The following OVCH1 variants were observed in gnomAD, a reference collection of about 807,000 sequenced individuals.
The protein encoded by OVCH1 is ovochymase-1.
Under a neutral mutation model 138.4 loss-of-function variants are expected in OVCH1, and 139 were observed. The ratio of observed to expected loss-of-function variants is 1.00; its 90% CI spans 0.87 to 1.16. OVCH1 has a LOEUF of 1.16. Ranked by LOEUF, OVCH1 falls within the 50% of genes most tolerant of loss-of-function variation. OVCH1 has a pLI of 0.00. For synonymous variants in OVCH1, 453 were observed against 467.8 expected (o/e 0.97, Z 0.41); for missense variants, 1,367 against 1,357.9 (o/e 1.01, Z -0.11).
rs550302390 is a variant in OVCH1 at position 29,435,225 on chromosome 12, G to A, written c.3265-1412C>T. On this transcript the variant is annotated intron_variant, in intron 26 of 27. Coordinates refer to ENST00000318184, the Ensembl canonical transcript of OVCH1. Reference sequence around the variant, plus strand: ...TTCTTAGAACAGCCAGACCCGTGGCGTGAGCCTGTAGTCCCAGCTACTGGG... The same window carrying A: ...TTCTTAGAACAGCCAGACCCGTGGCATGAGCCTGTAGTCCCAGCTACTGGG... Among the ~76,000 whole-genome samples the A allele has an allele frequency of 5.9e-4, 90 of 152,226 alleles. 2 individuals are homozygous for A. In the South Asian group the frequency reaches 0.017, roughly 29 times the overall value.
intron 12 of OVCH1, 39 bp downstream of exon 12, chr12:29,477,063 C>G (rs1196270610): frequency 6.5e-7 from 1 of 1,529,798 alleles, no homozygotes; most frequent in Admixed American, 2.1e-5. Flanking sequence ...TAACGTAACT[C>G]TATTCTTTAT....
intron 26 of OVCH1, chr12:29,439,216 C>T: frequency 2.9e-6 from 3 of 1,044,768 alleles, no homozygotes; most frequent in Non-Finnish European, 1.2e-6. Context: ...AGTCCTTTGC[C>T]TTTAGAAGCT....
At chr12:29,433,433 A>C (rs1014570566) in intron 27 of OVCH1, among the ~76,000 whole-genome samples, 1 of 152,172 alleles carries the variant, frequency 6.6e-6, no homozygotes, top group Admixed American at 6.5e-5. Context: ...AGGCCTCTCA[A>C]GCTGTGTGGA....
At position 29,495,938 on chromosome 12, in the gene OVCH1, C is replaced by T. The variant is rs182550845; in HGVS notation, c.281+243G>A. Among the ~76,000 whole-genome samples the T allele has an allele frequency of 1.5e-4, 23 of 152,288 alleles. 1 individual carries two copies. In the South Asian group the frequency reaches 3.5e-3, roughly 23 times the overall value. ...TTACAGTAAGTAACCACCACCTCTACCCAAGCACTAAATCCATAAATTATA... is the reference window on the plus strand; with the variant it reads ...TTACAGTAAGTAACCACCACCTCTATCCAAGCACTAAATCCATAAATTATA... On this transcript the variant is annotated intron_variant, in intron 3 of 27. Transcript: ENST00000318184.
chr12:29,458,335 C>T (rs1040398703), intron 19 of OVCH1, among the ~76,000 whole-genome samples: 3 of 151,536 alleles, frequency 2.0e-5, no homozygotes, highest in Non-Finnish European at 4.4e-5. Context: ...AAAAAAAATC[C>T]ATACATCTAC....
chr12:29,436,925 G>T (rs1317688515), intron 26 of OVCH1, among the ~76,000 whole-genome samples: 2 of 152,158 alleles, frequency 1.3e-5, no homozygotes, highest in South Asian at 4.1e-4. Context: ...GACCCAAGCG[G>T]GTTGCTGCTG....
intron 6 of OVCH1, among the ~76,000 whole-genome samples, chr12:29,489,355 C>T (rs1247947769): frequency 6.6e-6 from 1 of 152,092 alleles, no homozygotes; most frequent in African/African-American, 2.4e-5. Context: ...TGCTTGATTC[C>T]ATTAGGTTGC....
At chr12:29,489,363 T>C (rs1319489280) in intron 6 of OVCH1, among the ~76,000 whole-genome samples, 2 of 152,200 alleles carry the variant, frequency 1.3e-5, no homozygotes, top group African/African-American at 4.8e-5. Context: ...TCCATTAGGT[T>C]GCACACGTTG....
rs542069054 is a variant in OVCH1, at chr12:29,415,425, T to G, written c.*72-2700A>C. On this transcript the variant is annotated intron_variant and NMD_transcript_variant, in intron 3 of 4. Transcript: ENST00000539117. ...TGTCTAAAAGAATGCTTCTTAACCT[T>G]GGCTGCACATTAAAATTTCCACGAG... is the stretch of plus-strand genomic sequence containing the variant. Among the ~76,000 whole-genome samples, 4 of 152,306 alleles carry G rather than the reference T, an allele frequency of 2.6e-5. No individual in the cohort carries two copies. In the South Asian group the frequency reaches 8.3e-4, roughly 32 times the overall value.
chr12:29,423,346 T>A (rs1179098958), downstream of OVCH1: 2 of 451,496 alleles, frequency 4.4e-6, no homozygotes, highest in African/African-American at 2.0e-5. Flanking sequence ...TTCTGTGCAA[T>A]GACATAACTG....
chr12:29,404,527 C>G, the OVCH1 span, among the ~76,000 whole-genome samples: 2 of 152,188 alleles, frequency 1.3e-5, no homozygotes, highest in African/African-American at 4.8e-5. Flanking sequence ...GGATTAAAAT[C>G]TATACCTTCA....
chr12:29,435,023 A>G (rs983574257), intron 26 of OVCH1, among the ~76,000 whole-genome samples: 1 of 152,234 alleles, frequency 6.6e-6, no homozygotes, highest in Non-Finnish European at 1.5e-5. Flanking sequence ...TCAGGGAACT[A>G]AAAAGTTATT....
At chr12:29,433,384 C>G (rs142997944) in intron 27 of OVCH1, among the ~76,000 whole-genome samples, 1 of 152,122 alleles carries the variant, frequency 6.6e-6, no homozygotes, top group African/African-American at 2.4e-5. Context: ...CCACATAAGA[C>G]GTGCCTTTAC....
intron 6 of OVCH1, among the ~76,000 whole-genome samples, chr12:29,489,203 A>G (rs1325993621): frequency 6.6e-6 from 1 of 152,222 alleles, no homozygotes; most frequent in Non-Finnish European, 1.5e-5. Context: ...CTCTTACACA[A>G]CAGTGACTAA....
the OVCH1 span, among the ~76,000 whole-genome samples, chr12:29,402,922 T>A: frequency 6.6e-6 from 1 of 152,152 alleles, no homozygotes. Context: ...TACAGAAATA[T>A]TTTGTGCTCA....
At chr12:29,481,948 G>A (rs1023610418) in intron 8 of OVCH1, among the ~76,000 whole-genome samples, 6 of 152,158 alleles carry the variant, frequency 3.9e-5, no homozygotes, top group African/African-American at 9.7e-5. Flanking sequence ...TGTGGTCAAA[G>A]CTAGACTTTT....
At chr12:29,419,502 G>A (rs879886637) in intron 3 of OVCH1, among the ~76,000 whole-genome samples, 3 of 151,300 alleles carry the variant, frequency 2.0e-5, no homozygotes, top group Admixed American at 6.6e-5. Context: ...CACCGTGTTA[G>A]CCAGGATGGT....
At chr12:29,482,613 G>T (rs189125646) in intron 8 of OVCH1, among the ~76,000 whole-genome samples, 1 of 152,148 alleles carries the variant, frequency 6.6e-6, no homozygotes, top group Non-Finnish European at 1.5e-5. Flanking sequence ...ATAGAAATTT[G>T]TTGATTATTT....
intron 3 of OVCH1, among the ~76,000 whole-genome samples, chr12:29,421,708 A>G (rs991117776): frequency 6.6e-6 from 1 of 152,118 alleles, no homozygotes; most frequent in Non-Finnish European, 1.5e-5. Flanking sequence ...TGTTTATTCC[A>G]TTCTCAAATT....
Sources: allele counts gnomAD v4.1 joint callset (sites outside exome capture counted in the v4.1 genomes callset), GRCh38; gene constraint gnomAD v4.1.1; transcripts MANE v1.5; gene names NCBI Gene and HGNC (gene_info 2026-07-23, HGNC 2026-07-21).